Variants in TOMM70 observed in about 807,000 individuals in gnomAD.
TOMM70 encodes the protein translocase of outer mitochondrial membrane 70, also known as mitochondrial import receptor subunit TOM70.
In TOMM70, 13 loss-of-function variants were observed where a neutral mutation model predicts 73.6. The observed-to-expected ratio is 0.18, with a 90% CI of 0.11 to 0.28. The LOEUF (loss-of-function observed/expected upper bound fraction) is 0.28, where lower values mean the gene tolerates loss of function less well. Ranked by LOEUF, TOMM70 falls within the 10% of genes least tolerant of loss-of-function variation. The pLI is 1.00. For missense variants in TOMM70, 609 were observed against 747.5 expected (o/e 0.81, Z 2.16); for synonymous variants, 257 against 271.2 (o/e 0.95, Z 0.51).
At chr3:100,369,972 C>T (rs1221808455) in intron 9 of TOMM70, among the ~76,000 whole-genome samples, 1 of 152,024 alleles carries the variant, frequency 6.6e-6, no homozygotes, top group Non-Finnish European at 1.5e-5. Flanking sequence ...AATACCTAGC[C>T]CATATTCAGT....
intron 9 of TOMM70, 88 bp from the exon 10 acceptor site, chr3:100,369,223 T>C (rs1041226212): frequency 1.1e-6 from 1 of 894,884 alleles, no homozygotes; most frequent in Non-Finnish European, 1.7e-6. Flanking sequence ...AAAAATTTAC[T>C]TCATTCATTA....
chr3:100,392,964 G>A (rs13324744), intron 1 of TOMM70, among the ~76,000 whole-genome samples: 1 of 151,778 alleles, frequency 6.6e-6, no homozygotes, highest in African/African-American at 2.4e-5. Context: ...GTCACCTGAG[G>A]TCAGGAGTTC....
Position 100,377,730 on chromosome 3 carries a change from A to T in TOMM70, c.1067T>A (p.Ile356Asn). Reference protein sequence around the residue: ...NAAKPDLDKVISLKEANVKLR... With the variant: ...NAAKPDLDKVNSLKEANVKLR... The stretch of plus-strand genomic sequence containing the variant: ...CTTCACATTAGCTTCTTTCAAACTG[A>T]TGACTTTATCTAAATCTGGTTTGGC... The change falls in exon 6 of 12, where the codon ATC (isoleucine) becomes AAC (asparagine). Residue 356 changes from isoleucine (I) to asparagine (N), a missense_variant. Around this residue, in one of 2 missense-constraint regions of TOMM70, gnomAD observed 432 missense variants for 584.1 expected, o/e 0.74. Transcript: ENST00000284320. The T allele has an allele frequency of 1.2e-6, 2 of 1,613,530 alleles. No individual in the cohort carries two copies. The highest frequency in any genetic ancestry group is 8.5e-7 in the Non-Finnish European group (1 of 1,179,480).
chr3:100,384,405 A>T, intron 4 of TOMM70, 74 bp downstream of exon 4: 1 of 1,030,354 alleles, frequency 9.7e-7, no homozygotes, highest in Non-Finnish European at 1.4e-6. Flanking sequence ...GCCTAAGCTT[A>T]AGCAGCATAA....
intron 10 of TOMM70, among the ~76,000 whole-genome samples, chr3:100,368,433 G>A (rs1706470982): frequency 6.6e-6 from 1 of 152,054 alleles, no homozygotes; most frequent in African/African-American, 2.4e-5. Context: ...ATAAATTTAA[G>A]TGAAGTTTCT....
At chr3:100,378,862 T>C (rs1706596213) in intron 5 of TOMM70, among the ~76,000 whole-genome samples, 1 of 151,894 alleles carries the variant, frequency 6.6e-6, no homozygotes, top group African/African-American at 2.4e-5. Flanking sequence ...AAAAAATTAG[T>C]CAGGCGTGGT....
chr3:100,378,403 C>T (rs1215796022), intron 5 of TOMM70, among the ~76,000 whole-genome samples: 1 of 152,062 alleles, frequency 6.6e-6, no homozygotes, highest in Non-Finnish European at 1.5e-5. Context: ...TGCGGTTAAA[C>T]AGATTAGGAT....
intron 5 of TOMM70, among the ~76,000 whole-genome samples, chr3:100,380,954 T>TA (rs1370001773): frequency 1.3e-5 from 2 of 152,250 alleles, no homozygotes; most frequent in African/African-American, 2.4e-5. Context: ...CCTAACTCGT[T>TA]AAAAAAATCA....
chr3:100,372,322 CTAAGG>C, intron 9 of TOMM70: 1 of 283,432 alleles, frequency 3.5e-6, no homozygotes, highest in Non-Finnish European at 6.5e-6. Context: ...GTAAATTTTC[CTAAGG>C]TAATTACTTT....
At chr3:100,394,462 A>C (rs1437657834) in intron 1 of TOMM70, among the ~76,000 whole-genome samples, 1 of 151,880 alleles carries the variant, frequency 6.6e-6, no homozygotes, top group Non-Finnish European at 1.5e-5. Flanking sequence ...TTACTGTATG[A>C]GAAACAATGT....
At chr3:100,381,846 CTG>C (rs1032034280) in intron 4 of TOMM70, 83 bp from the exon 5 acceptor site, 4 of 1,326,792 alleles carry the variant, frequency 3.0e-6, no homozygotes, top group Non-Finnish European at 4.0e-6. Context: ...CTAAGAATAA[CTG>C]TCATAAAAAT....
At chr3:100,372,943 A>C (rs969068977) in intron 8 of TOMM70, among the ~76,000 whole-genome samples, 1 of 152,194 alleles carries the variant, frequency 6.6e-6, no homozygotes, top group Non-Finnish European at 1.5e-5. Context: ...CAAGATGTTC[A>C]ATACTGTAGA....
chr3:100,378,735 G>A (rs946932601), intron 5 of TOMM70, among the ~76,000 whole-genome samples: 11 of 152,172 alleles, frequency 7.2e-5, no homozygotes, highest in African/African-American at 1.2e-4. Flanking sequence ...GGCTGGATGC[G>A]GTGGCTCACG....
At chr3:100,390,871 G>T (rs1053509619) in intron 1 of TOMM70, among the ~76,000 whole-genome samples, 1 of 151,916 alleles carries the variant, frequency 6.6e-6, no homozygotes, top group Non-Finnish European at 1.5e-5. Context: ...TGAGTGCGGC[G>T]GCTCACGCTT....
intron 1 of TOMM70, among the ~76,000 whole-genome samples, chr3:100,400,193 A>G (rs1461676730): frequency 6.6e-6 from 1 of 152,180 alleles, no homozygotes; most frequent in Non-Finnish European, 1.5e-5. Flanking sequence ...AACACACTCC[A>G]AAAGGGGGAG....
chr3:100,390,492 G>A (rs562335235), intron 1 of TOMM70, among the ~76,000 whole-genome samples: 5 of 152,112 alleles, frequency 3.3e-5, no homozygotes, highest in Non-Finnish European at 7.3e-5. Context: ...TGGTGCTGCC[G>A]GTATAAACAA....
Position 100,365,244 on chromosome 3 carries a change from C to T in TOMM70, c.*320G>A, listed in dbSNP as rs980015743. On this transcript the variant is annotated 3_prime_UTR_variant, in exon 12 of 12. Transcript: ENST00000284320. Reference sequence around the variant, plus strand: ...CATCCAGAACATAATCAACTGCCAACCCCCCTTAAAAAAAAAATCAACAAA... The same window carrying T: ...CATCCAGAACATAATCAACTGCCAATCCCCCTTAAAAAAAAAATCAACAAA... 2 of 241,624 alleles carry T rather than the reference C, an allele frequency of 8.3e-6. No homozygotes were observed. Among genetic ancestry groups the T allele is most frequent in the South Asian group, 1.9e-4 (2 of 10,510 alleles). 15.0% of individuals were successfully genotyped at this position (241,624 alleles called of 1,614,324 possible).
intron 1 of TOMM70, among the ~76,000 whole-genome samples, chr3:100,387,532 G>A (rs1482097268): frequency 6.6e-6 from 1 of 150,458 alleles, no homozygotes; most frequent in Admixed American, 6.7e-5. Flanking sequence ...CTACCTCCAT[G>A]TTCTAGGCAG....
At position 100,377,772 on chromosome 3, in the gene TOMM70, A is replaced by G; in HGVS notation, c.1025T>C (p.Ile342Thr). 1 of 1,614,238 alleles carries G rather than the reference A, an allele frequency of 6.2e-7. No individual in the cohort carries two copies. The highest frequency in any genetic ancestry group is 2.2e-5 in the East Asian group (1 of 44,878). ...TGGTTTGGCTGCATTGGCATTGCCAATAAGCAGGTAGAAGGTAGCTCGTAG... is the reference window on the plus strand; with the variant it reads ...TGGTTTGGCTGCATTGGCATTGCCAGTAAGCAGGTAGAAGGTAGCTCGTAG... ...LLLRATFYLLIGNANAAKPDL... is the reference protein window; with the variant it reads ...LLLRATFYLLTGNANAAKPDL... The change falls in exon 6 of 12, where the codon ATT becomes ACT. Residue 342 changes from isoleucine (I) to threonine (T), a missense_variant. Physicochemically the swap from Ile to Thr is moderately conservative, Grantham distance 89. Coordinates refer to ENST00000284320, the MANE Select transcript of TOMM70 (RefSeq NM_014820.5).
Sources: allele counts gnomAD v4.1 joint callset (sites outside exome capture counted in the v4.1 genomes callset), GRCh38; gene constraint gnomAD v4.1.1; regional missense constraint gnomAD v4.1.1; transcripts MANE v1.5; gene names NCBI Gene and HGNC (gene_info 2026-07-23, HGNC 2026-07-21).